ATCAY: variants seen among roughly 807,000 people sequenced by gnomAD.
ATCAY encodes the protein caytaxin.
Under a neutral mutation model 47.7 loss-of-function variants are expected in ATCAY, and 22 were observed. The ratio of observed to expected loss-of-function variants is 0.46; its 90% CI spans 0.33 to 0.66. The LOEUF is 0.66. Ranked by LOEUF, ATCAY falls within the 30% of genes least tolerant of loss-of-function variation. The pLI is 0.02. For missense variants in ATCAY, 452 were observed against 515.0 expected, an observed-to-expected ratio of 0.88 and a Z score of 1.18; for synonymous variants, 216 against 207.6, an observed-to-expected ratio of 1.04 and a Z score of -0.35.
At chr19:3,891,289 T>C (rs2038716435) in intron 2 of ATCAY, among the ~76,000 whole-genome samples, 1 of 152,038 alleles carries the variant, frequency 6.6e-6, no homozygotes, top group African/African-American at 2.4e-5. Flanking sequence ...TAACCTCAAG[T>C]GATTCGCCTG....
chr19:3,886,141 A>G (rs1385251765), intron 2 of ATCAY, among the ~76,000 whole-genome samples: 1 of 151,960 alleles, frequency 6.6e-6, no homozygotes, highest in African/African-American at 2.4e-5. Flanking sequence ...CCACCCCTAC[A>G]CCATTTTAAG....
intron 10 of ATCAY, among the ~76,000 whole-genome samples, chr19:3,918,193 T>C (rs2038982625): frequency 6.6e-6 from 1 of 151,962 alleles, no homozygotes; most frequent in Non-Finnish European, 1.5e-5. Flanking sequence ...GAGAACAACC[T>C]GGACAACATG....
At position 3,907,715 on chromosome 19, in the gene ATCAY, C is replaced by T; in HGVS notation, c.359-19C>T. Reference sequence around the variant, plus strand: ...TCCGGACTCTGGCGTCCATGCGACTCTCCGCCACCTGCTTCTAGACGACAC... The same window carrying T: ...TCCGGACTCTGGCGTCCATGCGACTTTCCGCCACCTGCTTCTAGACGACAC... On this transcript the variant is annotated intron_variant, in intron 4 of 12. Transcript: ENST00000450849. The surrounding 1 kb of genome is among the most constrained non-coding windows in gnomAD (Gnocchi z 5.1). The T allele has an allele frequency of 6.2e-7, 1 of 1,613,550 alleles. No homozygotes were observed. Among genetic ancestry groups the T allele is most frequent in the East Asian group, 2.2e-5 (1 of 44,882 alleles).
intron 12 of ATCAY, 154 bp downstream of exon 12, chr19:3,920,952 A>T (rs1380929586): frequency 8.0e-6 from 7 of 879,620 alleles, no homozygotes; most frequent in Non-Finnish European, 1.3e-5. Flanking sequence ...CTGCCCCATG[A>T]CTTATCGGGA....
At chr19:3,893,554 T>C (rs1234773319) in intron 2 of ATCAY, 2 of 152,228 alleles carry the variant, frequency 1.3e-5, no homozygotes, top group African/African-American at 2.4e-5. Flanking sequence ...GTGGATATAT[T>C]ATACCCCAGG....
chr19:3,888,677 G>A (rs1002426836), intron 2 of ATCAY, among the ~76,000 whole-genome samples: 1 of 152,072 alleles, frequency 6.6e-6, no homozygotes, highest in African/African-American at 2.4e-5. Flanking sequence ...ATCTGAGAGG[G>A]TTCCGGAGGG....
intron 8 of ATCAY, among the ~76,000 whole-genome samples, chr19:3,912,874 G>C (rs1419759001): frequency 8.9e-6 from 1 of 112,914 alleles, no homozygotes; most frequent in African/African-American, 3.9e-5. Flanking sequence ...GACAGAGTGA[G>C]ACTCTGTCTC....
In ATCAY at chr19:3,913,822, A is replaced by G. The variant is rs1164307366; in HGVS notation, c.931A>G (p.Met311Val). The change falls in exon 9 of 13, where the codon ATG becomes GTG. Residue 311 changes from methionine to valine, a missense_variant. By Grantham distance (21) the Met-to-Val change is conservative. Coordinates refer to ENST00000450849, the MANE Select transcript of ATCAY (RefSeq NM_033064.5). ...SLEDLEQLIP[M>V]EHVQIPDCVL... ...GGAAGACCTGGAGCAACTCATCCCTATGGAACACGTCCAGATCCCAGACTG... is the reference window on the plus strand; with the variant it reads ...GGAAGACCTGGAGCAACTCATCCCTGTGGAACACGTCCAGATCCCAGACTG... The G allele has an allele frequency of 3.7e-6, 6 of 1,613,796 alleles. No homozygotes were observed. Among genetic ancestry groups the G allele is most frequent in the South Asian group, 1.1e-5 (1 of 91,070 alleles).
At chr19:3,894,483 C>CAA (rs35274604) in intron 2 of ATCAY, among the ~76,000 whole-genome samples, 27 of 60,784 alleles carry the variant, frequency 4.4e-4, no homozygotes, top group African/African-American at 1.2e-3. Context: ...GACTCCGTCT[C>CAA]AAAAAAAAAA....
chr19:3,918,987 G>A (rs1485566190), intron 11 of ATCAY, 110 bp downstream of exon 11: 1 of 1,347,978 alleles, frequency 7.4e-7, no homozygotes. Context: ...ACAGAAAATG[G>A]AACTAAGTGG....
chr19:3,919,227 G>A (rs992736614), intron 11 of ATCAY, among the ~76,000 whole-genome samples: 10 of 151,862 alleles, frequency 6.6e-5, no homozygotes, highest in Non-Finnish European at 1.0e-4. Flanking sequence ...GCAGTGAGCC[G>A]AGATAGTACC....
chr19:3,909,289 T>G (rs2038901694), intron 6 of ATCAY, among the ~76,000 whole-genome samples, 197 bp from the exon 7 acceptor site: 1 of 148,786 alleles, frequency 6.7e-6, no homozygotes, highest in Non-Finnish European at 1.5e-5. Context: ...GGATGCCCGC[T>G]GACACTCATG....
intron 2 of ATCAY, among the ~76,000 whole-genome samples, chr19:3,901,164 A>G (rs1455415141): frequency 6.6e-6 from 1 of 152,044 alleles, no homozygotes; most frequent in Non-Finnish European, 1.5e-5. Flanking sequence ...GGCCTCCCAA[A>G]GTGCTGGGAT....
rs1459591326 is a variant in ATCAY at position 3,907,648 on chromosome 19, G to C, written c.359-86G>C. On this transcript the variant is annotated intron_variant, in intron 4 of 12. Transcript: ENST00000450849. This position sits in a 1 kb window ranked among gnomAD's most constrained non-coding sequence, Gnocchi z 5.1. Reference sequence around the variant, plus strand: ...CTTGTGGGTCCCGGCAGCGAGGGAGGTGGGAGAGGGGAAGGAAGGCTGAGC... The same window carrying C: ...CTTGTGGGTCCCGGCAGCGAGGGAGCTGGGAGAGGGGAAGGAAGGCTGAGC... 2.0e-6 allele frequency: 3 copies of C among 1,516,596 alleles called. No homozygotes were observed. The highest frequency in any genetic ancestry group is 1.4e-5 in the African/African-American group (1 of 72,176). The allele number at this position is 1,516,596 out of a possible 1,614,324, so 93.9% of individuals were successfully genotyped here.
At chr19:3,909,950 G>A (rs937473970) in intron 7 of ATCAY, among the ~76,000 whole-genome samples, 37 of 152,240 alleles carry the variant, frequency 2.4e-4, no homozygotes, top group African/African-American at 4.1e-4. Flanking sequence ...TTAGCTGGGC[G>A]TGGTGGCGCA....
chr19:3,918,067 G>A lies in ATCAY; in HGVS notation c.1001+290G>A, dbSNP rs182211856. Among the ~76,000 whole-genome samples, 15 of 152,166 alleles carry A rather than the reference G, an allele frequency of 9.9e-5. No individual in the cohort carries two copies. The East Asian group carries it at 1.7e-3, about 18-fold the overall frequency. On this transcript the variant is annotated intron_variant, in intron 10 of 12. Coordinates refer to ENST00000450849, the MANE Select transcript of ATCAY (RefSeq NM_033064.5). The stretch of plus-strand genomic sequence containing the variant: ...AAAAAAGGTTGAGCACAGACTTCAC[G>A]CTCCATAAAGCATAAAAGTCAAGAC...
At chr19:3,890,156 C>A (rs2038702818) in intron 2 of ATCAY, among the ~76,000 whole-genome samples, 1 of 149,236 alleles carries the variant, frequency 6.7e-6, no homozygotes, top group African/African-American at 2.5e-5. Flanking sequence ...GTTGGCCAGG[C>A]TGGTCTCGAA....
intron 12 of ATCAY, among the ~76,000 whole-genome samples, chr19:3,922,492 T>TTACCTCCCACTGAG (rs2039029719): frequency 6.6e-6 from 1 of 152,094 alleles, no homozygotes. Flanking sequence ...CATGGTTCAG[T>TTACCTCCCACTGAG]TACCTCCCAC....
intron 1 of ATCAY, among the ~76,000 whole-genome samples, chr19:3,884,018 G>C (rs1425495103): frequency 6.6e-6 from 1 of 152,048 alleles, no homozygotes; most frequent in Non-Finnish European, 1.5e-5. Flanking sequence ...CTGGTGTGGG[G>C]GGTGGGGCGG....
Sources: allele counts gnomAD v4.1 joint callset (sites outside exome capture counted in the v4.1 genomes callset), GRCh38; gene constraint gnomAD v4.1.1; non-coding constraint Gnocchi (gnomAD v3.1); transcripts MANE v1.5; gene names NCBI Gene and HGNC (gene_info 2026-07-23, HGNC 2026-07-21).